VEPH1: variants seen among roughly 807,000 people sequenced by gnomAD.
The protein encoded by VEPH1 is ventricular zone-expressed PH domain-containing protein homolog 1.
VEPH1 carries 80 observed loss-of-function variants against 85.2 expected under a neutral mutation model. The ratio of observed to expected loss-of-function variants is 0.94; its 90% CI spans 0.78 to 1.13. The LOEUF (loss-of-function observed/expected upper bound fraction) is 1.13. Ranked by LOEUF, VEPH1 falls within the 50% of genes most tolerant of loss-of-function variation. The pLI, the probability that VEPH1 is intolerant of heterozygous loss-of-function variation, is 0.00. For synonymous variants in VEPH1, 297 were observed against 348.0 expected (o/e 0.85, Z 1.63); for missense variants, 955 against 980.5 (o/e 0.97, Z 0.35).
rs187657200 is a variant in VEPH1 at position 157,350,830 on chromosome 3, C to T, written c.1735+12534G>A. On this transcript the variant is annotated intron_variant, in intron 9 of 13. Transcript: ENST00000362010. ...CCAAAACCACAATGAGGTATTGCCT[C>T]ACCCCAGTTACAGTGGCTATTATCA... 1.3e-3 allele frequency among the ~76,000 whole-genome samples: 196 copies of T among 152,280 alleles called. 1 individual carries two copies. The highest frequency in any genetic ancestry group is 0.011 in the East Asian group (58 of 5,184).
chr3:157,318,861 T>G (rs1380586339), intron 9 of VEPH1, among the ~76,000 whole-genome samples: 1 of 151,938 alleles, frequency 6.6e-6, no homozygotes, highest in Non-Finnish European at 1.5e-5. Context: ...TCTTGGGCAA[T>G]ATAGTGAGAC....
chr3:157,428,322 C>T lies in VEPH1; in HGVS notation c.696G>A (p.Glu232=), dbSNP rs1280566579. Residue 232 remains glutamate, a splice_region_variant and synonymous_variant, in exon 5 of 14, where the codon GAG becomes GAA. Coordinates refer to ENST00000362010, the MANE Select transcript of VEPH1 (RefSeq NM_001167912.2). ...LHVAAKKKQL[E]VVQKCIPFLI... ...ATGACATATACAATGTACTTTTTACCTCGAGTTGTTTTTTCTTTGCTGCTA... is the reference window on the plus strand; with the variant it reads ...ATGACATATACAATGTACTTTTTACTTCGAGTTGTTTTTTCTTTGCTGCTA... 5.6e-6 allele frequency: 9 copies of T among 1,613,854 alleles called. No homozygotes were observed. The highest frequency in any genetic ancestry group is 1.3e-5 in the African/African-American group (1 of 75,014).
At chr3:157,369,193 A>AAAAAAAAACAAAAAAAAAAC (rs1727181909) in intron 7 of VEPH1, among the ~76,000 whole-genome samples, 1 of 140,572 alleles carries the variant, frequency 7.1e-6, no homozygotes, top group Non-Finnish European at 1.6e-5. Flanking sequence ...AAAAAAAAAA[A>AAAAAAAAACAAAAAAAAAAC]AAAAAAAAAA....
intron 6 of VEPH1, chr3:157,410,038 T>G (rs1731417564): frequency 2.9e-6 from 2 of 696,028 alleles, no homozygotes; most frequent in African/African-American, 3.9e-5. Context: ...GATCTCAAAG[T>G]TGGATTGGCT....
chr3:157,391,047 C>T (rs1729807789), intron 6 of VEPH1, among the ~76,000 whole-genome samples: 1 of 152,256 alleles, frequency 6.6e-6, no homozygotes, highest in Non-Finnish European at 1.5e-5. Flanking sequence ...CCTGCCACAG[C>T]AGCTGGTGCA....
At chr3:157,493,639 T>C (rs573946873) in intron 2 of VEPH1, among the ~76,000 whole-genome samples, 1 of 151,844 alleles carries the variant, frequency 6.6e-6, no homozygotes, top group African/African-American at 2.4e-5. Flanking sequence ...CCTGGTAGAG[T>C]GAGATGCTAT....
intron 3 of VEPH1, among the ~76,000 whole-genome samples, chr3:157,461,533 C>A (rs1735873355): frequency 1.3e-5 from 2 of 152,192 alleles, no homozygotes; most frequent in African/African-American, 4.8e-5. Flanking sequence ...AAGCCAGGAC[C>A]ACTTACATTC....
At chr3:157,359,722 T>A (rs974857204) in intron 9 of VEPH1, among the ~76,000 whole-genome samples, 1 of 152,216 alleles carries the variant, frequency 6.6e-6, no homozygotes, top group Non-Finnish European at 1.5e-5. Context: ...GAGGTTCCTA[T>A]TCATTTAACA....
chr3:157,458,452 G>A (rs548829734), intron 4 of VEPH1, among the ~76,000 whole-genome samples: 2 of 152,130 alleles, frequency 1.3e-5, no homozygotes, highest in African/African-American at 4.8e-5. Context: ...TTTTTGATTT[G>A]CACTTTTTAA....
chr3:157,384,213 G>A (rs530101539), intron 6 of VEPH1, among the ~76,000 whole-genome samples: 39 of 152,254 alleles, frequency 2.6e-4, no homozygotes, highest in African/African-American at 9.1e-4. Context: ...GTGTACTTAG[G>A]ACACATCTCA....
In VEPH1 at chr3:157,329,621, C is replaced by CT. The variant is rs35707587; in HGVS notation, c.1736-12421dup. Among the ~76,000 whole-genome samples, 544 of 146,106 alleles carry CT rather than the reference C, an allele frequency of 3.7e-3. 2 individuals carry two copies. Among genetic ancestry groups the CT allele is most frequent in the African/African-American group, 8.1e-3 (324 of 39,842 alleles). On this transcript the variant is annotated intron_variant, in intron 9 of 13. Coordinates refer to ENST00000362010, the MANE Select transcript of VEPH1 (RefSeq NM_001167912.2). ...CATAATTAATATTAAACAGAGTTGC[C>CT]TTTTTTTTTTTACTATTTCTGATTA...
chr3:157,281,918 C>A (rs1716179720), intron 12 of VEPH1, among the ~76,000 whole-genome samples: 1 of 152,168 alleles, frequency 6.6e-6, no homozygotes, highest in Non-Finnish European at 1.5e-5. Context: ...TATTCATAGA[C>A]TCACAAGGCT....
intron 11 of VEPH1, among the ~76,000 whole-genome samples, chr3:157,290,655 A>G (rs567180872): frequency 1.1e-4 from 16 of 152,234 alleles, no homozygotes; most frequent in African/African-American, 3.1e-4. Context: ...AGTTCAAACT[A>G]TTTTCATTGA....
At position 157,363,411 on chromosome 3, in the gene VEPH1, A is replaced by T. The variant is rs765539970; in HGVS notation, c.1688T>A (p.Met563Lys). ...KNLSKVKAYA[M>K]EIGKKIPVPD... is the part of the protein sequence containing the mutation. ...GACTGGAATCTTCTTTCCAATTTCC[A>T]TGGCATATGCTTTCACTTTGCTGAG... Residue 563 changes from methionine (M) to lysine (K), a missense_variant, in exon 9 of 14, where the codon ATG (methionine) becomes AAG (lysine). Physicochemically the swap from Met to Lys is moderately conservative, Grantham distance 95. Transcript: ENST00000362010. 1 of 1,611,114 alleles carries T rather than the reference A, an allele frequency of 6.2e-7. No individual in the cohort carries two copies. Among genetic ancestry groups the T allele is most frequent in the African/African-American group, 1.3e-5 (1 of 74,532 alleles).
At chr3:157,428,589 T>C (rs1732921151) in intron 4 of VEPH1, 101 bp from the exon 5 acceptor site, 1 of 1,103,738 alleles carries the variant, frequency 9.1e-7, no homozygotes, top group African/African-American at 1.6e-5. Context: ...ACACATTAAA[T>C]AGCACAGACT....
chr3:157,497,643 T>C (rs151169034), intron 1 of VEPH1, among the ~76,000 whole-genome samples: 39 of 152,254 alleles, frequency 2.6e-4, no homozygotes, highest in African/African-American at 8.7e-4. Context: ...GCCCCAGTCA[T>C]AGATGCTCAG....
intron 6 of VEPH1, among the ~76,000 whole-genome samples, chr3:157,403,820 G>T (rs1469052683): frequency 6.6e-6 from 1 of 152,132 alleles, no homozygotes; most frequent in Non-Finnish European, 1.5e-5. Context: ...CATCAAGCAG[G>T]TAGTATATAT....
chr3:157,278,127 G>GT (rs1303618767), intron 12 of VEPH1, among the ~76,000 whole-genome samples: 1 of 152,146 alleles, frequency 6.6e-6, no homozygotes, highest in African/African-American at 2.4e-5. Flanking sequence ...TGATCTAAAA[G>GT]TCACACATAA....
chr3:157,470,214 T>C (rs577106429), intron 3 of VEPH1, 100 bp downstream of exon 3: 20 of 1,094,442 alleles, frequency 1.8e-5, no homozygotes, highest in Non-Finnish European at 4.0e-6. Flanking sequence ...TTACAGTATC[T>C]AAATGCTGCA....
Sources: gnomAD v4.1 joint callset for allele counts (sites outside exome capture counted in the v4.1 genomes callset) on GRCh38, gnomAD v4.1.1 for gene constraint, MANE v1.5 for transcripts, NCBI Gene and HGNC (gene_info 2026-07-23, HGNC 2026-07-21) for gene names.